Variants in TXNDC15 observed in about 807,000 individuals in gnomAD.
TXNDC15 encodes thioredoxin domain-containing protein 15.
TXNDC15 carries 24 observed loss-of-function variants against 35.0 expected under a neutral mutation model. That is an observed-to-expected ratio of 0.68 (90% CI 0.50 to 0.96). The LOEUF is 0.96. TXNDC15 is among the 40% of genes least tolerant of loss of function. The pLI is 0.00. For missense variants in TXNDC15, 385 were observed against 453.3 expected (o/e 0.85, Z 1.37); for synonymous variants, 169 against 174.0 (o/e 0.97, Z 0.23).
intron 2 of TXNDC15, among the ~76,000 whole-genome samples, chr5:134,891,871 C>T (rs937479695): frequency 6.6e-6 from 1 of 151,996 alleles, no homozygotes; most frequent in Non-Finnish European, 1.5e-5. Context: ...GCCATGATTG[C>T]GCCACTGTAC....
rs1204824985 is a variant in TXNDC15, at chr5:134,888,154, T to G, written c.563T>G (p.Phe188Cys). The G allele has an allele frequency of 3.7e-6, 6 of 1,604,698 alleles. No individual in the cohort carries two copies. Among genetic ancestry groups the G allele is most frequent in the Non-Finnish European group, 5.1e-6 (6 of 1,174,310 alleles). Residue 188 changes from phenylalanine to cysteine, a missense_variant, in exon 2 of 5, where the codon TTC becomes TGC. Transcript: ENST00000358387. The stretch of plus-strand genomic sequence containing the variant: ...AGAAACATTACAGGATTAGAAAATT[T>G]CACTCTGAAAATTTTAAATATGTCA... ...EERNITGLEN[F>C]TLKILNMSQD...
intron 1 of TXNDC15, among the ~76,000 whole-genome samples, chr5:134,887,168 A>C (rs1403978750): frequency 6.6e-6 from 1 of 152,086 alleles, no homozygotes; most frequent in Non-Finnish European, 1.5e-5. Context: ...TTTGACATTC[A>C]TTATTTTGTT....
intron 1 of TXNDC15, among the ~76,000 whole-genome samples, chr5:134,878,820 G>A (rs894256440): frequency 6.6e-6 from 1 of 152,304 alleles, no homozygotes; most frequent in East Asian, 1.9e-4. Flanking sequence ...CCAACATGGT[G>A]AAACCCCATC....
Position 134,874,480 on chromosome 5 carries a change from G to A in TXNDC15, c.53G>A (p.Trp18Ter). 6.2e-7 allele frequency: 1 copy of A among 1,606,370 alleles called. No individual in the cohort carries two copies. Among genetic ancestry groups the A allele is most frequent in the Non-Finnish European group, 8.5e-7 (1 of 1,178,040 alleles). ...CCCCGCGTCATGCGGCTCCTCGGCT[G>A]GTGGCAAGTATTGCTGTGGGTGCTG... ...RPPRVMRLLGWWQVLLWVLGL... is the reference protein window; with the variant it reads ...RPPRVMRLLG Residue 18 changes from tryptophan to a stop codon, truncating the protein, a stop_gained, in exon 1 of 5, where the codon TGG (tryptophan) becomes TAG (stop). Transcript: ENST00000358387. LOFTEE classifies it high-confidence loss of function.
chr5:134,879,621 A>G (rs998680593), intron 1 of TXNDC15, among the ~76,000 whole-genome samples: 1 of 152,188 alleles, frequency 6.6e-6, no homozygotes, highest in African/African-American at 2.4e-5. Flanking sequence ...AATACCGCCA[A>G]TGTGATCCCG....
intron 1 of TXNDC15, among the ~76,000 whole-genome samples, chr5:134,886,978 A>C (rs938004114): frequency 1.3e-5 from 2 of 152,230 alleles, no homozygotes; most frequent in African/African-American, 4.8e-5. Context: ...TTGTTCTAGT[A>C]GAATCTTGCA....
chr5:134,899,838 A>T lies in TXNDC15; in HGVS notation c.*153A>T. 1 of 617,926 alleles carries T rather than the reference A, an allele frequency of 1.6e-6. No individual in the cohort carries two copies. The highest frequency in any genetic ancestry group is 2.6e-6 in the Non-Finnish European group (1 of 378,908). The allele number at this position is 617,926 out of a possible 1,614,324, so 38.3% of individuals were successfully genotyped here. A position where few individuals can be genotyped will look rare whatever the true frequency, so the allele number is the denominator to read the frequency against. ...GTTGAACAACTGAATGTATAAAAAA[A>T]TTATAAACTGGTGTTTTAACTAGTA... is the stretch of plus-strand genomic sequence containing the variant. On this transcript the variant is annotated 3_prime_UTR_variant, in exon 5 of 5. Coordinates refer to ENST00000358387, the MANE Select transcript of TXNDC15 (RefSeq NM_024715.4).
chr5:134,883,596 AAAAAAAAAAAAAAAAG>A, intron 1 of TXNDC15, among the ~76,000 whole-genome samples: 1 of 144,352 alleles, frequency 6.9e-6, no homozygotes, highest in Non-Finnish European at 1.5e-5. Flanking sequence ...TCAAAAAAAA[AAAAAAAAAAAAAAAAG>A]AAAAGAAAAA....
chr5:134,894,842 C>G (rs930920654), intron 3 of TXNDC15, among the ~76,000 whole-genome samples: 1 of 151,862 alleles, frequency 6.6e-6, no homozygotes, highest in African/African-American at 2.4e-5. Context: ...GAAAAATGGT[C>G]AATTGGTGGT....
In TXNDC15 at chr5:134,899,377, C is replaced by T. The variant is rs560129485; in HGVS notation, c.887-112C>T. On this transcript the variant is annotated intron_variant, in intron 4 of 4. Coordinates refer to ENST00000358387, the MANE Select transcript of TXNDC15 (RefSeq NM_024715.4). ...CATATATTTATATATATACTAGTGG[C>T]AATGCTTATTTTAGGACTGCATGTC... 10 of 817,748 alleles carry T rather than the reference C, an allele frequency of 1.2e-5. No individual in the cohort carries two copies. In the South Asian group the frequency reaches 1.4e-4, roughly 12 times the overall value. 50.7% of individuals were successfully genotyped at this position (817,748 alleles called of 1,614,324 possible).
rs759928024 is a variant in TXNDC15, at chr5:134,888,052, C to T, written c.461C>T (p.Ala154Val). The change falls in exon 2 of 5, where the codon GCG becomes GTG. Residue 154 changes from alanine (A) to valine (V), a missense_variant. By Grantham distance (64) the Ala-to-Val change is moderately conservative (BLOSUM62 0). Coordinates refer to ENST00000358387, the MANE Select transcript of TXNDC15 (RefSeq NM_024715.4). ...EEEYYTEPEV[A>V]ESDAAPTEDS... The stretch of plus-strand genomic sequence containing the variant: ...GAGTATTACACAGAGCCAGAAGTGG[C>T]GGAATCTGACGCAGCCCCGACAGAG... 9 of 1,613,990 alleles carry T rather than the reference C, an allele frequency of 5.6e-6. No individual in the cohort carries two copies. The highest frequency in any genetic ancestry group is 6.8e-6 in the Non-Finnish European group (8 of 1,180,028).
chr5:134,897,496 G>C (rs775393403), intron 4 of TXNDC15, among the ~76,000 whole-genome samples: 15 of 152,010 alleles, frequency 9.9e-5, no homozygotes, highest in Non-Finnish European at 2.1e-4. Flanking sequence ...TGATCTGCCT[G>C]CCTTGGCCTC....
Position 134,896,333 on chromosome 5 carries a change from T to C in TXNDC15, c.795T>C (p.Ile265=). ...TTGGCACCGTAGCTGTTCCTAATATTTTATTATTTCAAGGAGCTAAACCAA... is the reference window on the plus strand; with the variant it reads ...TTGGCACCGTAGCTGTTCCTAATATCTTATTATTTCAAGGAGCTAAACCAA... ...TRFGTVAVPN[I]LLFQGAKPMA... Residue 265 remains isoleucine (I), a synonymous_variant, in exon 4 of 5, where the codon ATT becomes ATC. Transcript: ENST00000358387. The C allele has an allele frequency of 6.2e-7, 1 of 1,613,970 alleles. No homozygotes were observed. Among genetic ancestry groups the C allele is most frequent in the Non-Finnish European group, 8.5e-7 (1 of 1,179,948 alleles).
chr5:134,874,227 A>C, upstream of TXNDC15: 1 of 546,060 alleles, frequency 1.8e-6, no homozygotes. Flanking sequence ...CTTAGCTCCT[A>C]AAGAGGTCTC....
At chr5:134,883,587 CAAAAAAA>C (rs60114636) in intron 1 of TXNDC15, among the ~76,000 whole-genome samples, 10 of 65,360 alleles carry the variant, frequency 1.5e-4, no homozygotes, top group Middle Eastern at 0.012. Flanking sequence ...GACCCTGTCT[CAAAAAAA>C]AAAAAAAAAA....
chr5:134,890,365 T>TTC (rs1554163432), intron 2 of TXNDC15, among the ~76,000 whole-genome samples: 2 of 151,558 alleles, frequency 1.3e-5, no homozygotes, highest in Non-Finnish European at 2.9e-5. Context: ...TTCTTTTCTT[T>TTC]TCTTTTCTCT....
chr5:134,887,612 T>G, intron 1 of TXNDC15, 83 bp from the exon 2 acceptor site: 1 of 1,498,336 alleles, frequency 6.7e-7, no homozygotes, highest in South Asian at 1.4e-5. Flanking sequence ...GGGGAAAATT[T>G]CGTGTTAGAG....
In TXNDC15 at chr5:134,885,563, C is replaced by T. The variant is rs572891447; in HGVS notation, c.104-2132C>T. 2.6e-5 allele frequency among the ~76,000 whole-genome samples: 4 copies of T among 152,298 alleles called. No individual in the cohort carries two copies. The East Asian group carries it at 7.7e-4, about 29-fold the overall frequency. On this transcript the variant is annotated intron_variant, in intron 1 of 4. Transcript: ENST00000358387. ...TGCTGTATACTTGGGGGGGCCTCTG[C>T]AGATCTCTGGAGTCCCCTCTCTAGA...
chr5:134,899,663 A>G lies in TXNDC15; in HGVS notation c.1061A>G (p.Gln354Arg). The G allele has an allele frequency of 6.2e-7, 1 of 1,610,602 alleles. No individual in the cohort carries two copies. Among genetic ancestry groups the G allele is most frequent in the Non-Finnish European group, 8.5e-7 (1 of 1,178,660 alleles). ...AGTATTCGGTGGCTAATTCCAGGAC[A>G]AGAGCAGGAACATGTGGAGTAGTGA... Reference protein sequence around the residue: ...TESIRWLIPGQEQEHVE With the variant: ...TESIRWLIPGREQEHVE The change falls in exon 5 of 5, where the codon CAA becomes CGA. Residue 354 changes from glutamine (Q) to arginine (R), a missense_variant. Physicochemically the swap from Gln to Arg is conservative, Grantham distance 43. Transcript: ENST00000358387.
Sources: gnomAD v4.1 joint callset for allele counts (sites outside exome capture counted in the v4.1 genomes callset) on GRCh38, gnomAD v4.1.1 for gene constraint, MANE v1.5 for transcripts, NCBI Gene and HGNC (gene_info 2026-07-23, HGNC 2026-07-21) for gene names.